Variants in ANXA4 observed in about 807,000 individuals in gnomAD.
ANXA4 encodes the protein 35-beta calcimedin.
In ANXA4, 39 loss-of-function variants were observed where a neutral mutation model predicts 49.8. That is an observed-to-expected ratio of 0.78 (90% CI 0.61 to 1.02). The LOEUF (loss-of-function observed/expected upper bound fraction) is 1.02, where lower values mean the gene tolerates loss of function less well. ANXA4 is among the 50% of genes least tolerant of loss of function. The probability of loss-of-function intolerance (pLI) is 0.00; values close to 1 mark genes in which losing one functional copy is unlikely to be tolerated. For synonymous variants in ANXA4, 134 were observed against 152.5 expected (o/e 0.88, Z 0.89); for missense variants, 360 against 410.1 (o/e 0.88, Z 1.05).
At chr2:69,716,171 G>A (rs1316232189) in intron 2 of ANXA4, among the ~76,000 whole-genome samples, 2 of 152,162 alleles carry the variant, frequency 1.3e-5, no homozygotes, top group Admixed American at 1.3e-4. Flanking sequence ...ATGAGTAAGA[G>A]AGAGAGAGAG....
rs150899902 is a variant in ANXA4, at chr2:69,732,588, G to A, written n.864+11717G>A. Among the ~76,000 whole-genome samples, 447 of 151,728 alleles carry A rather than the reference G, an allele frequency of 2.9e-3. 1 individual carries two copies. The highest frequency in any genetic ancestry group is 0.01 in the African/African-American group (416 of 41,396). On this transcript the variant is annotated intron_variant and non_coding_transcript_variant, in intron 3 of 3. Transcript: ENST00000418066. ...AGCCTGACCAACATGGAGAAGCCCC[G>A]TCTCTACTAAAAATAAAAAATTAGT...
intron 2 of ANXA4, among the ~76,000 whole-genome samples, chr2:69,702,557 A>G (rs1573120932): frequency 8.9e-6 from 1 of 112,516 alleles, no homozygotes; most frequent in African/African-American, 2.6e-5. Flanking sequence ...CCTCATCTCT[A>G]AAAAAAATTA....
chr2:69,770,634 T>C (rs1301942971), intron 1 of ANXA4, among the ~76,000 whole-genome samples: 1 of 151,974 alleles, frequency 6.6e-6, no homozygotes, highest in African/African-American at 2.4e-5. Context: ...TTCACCACAA[T>C]GCAACATCCA....
intron 2 of ANXA4, among the ~76,000 whole-genome samples, chr2:69,710,640 G>A: frequency 6.6e-6 from 1 of 151,418 alleles, no homozygotes; most frequent in African/African-American, 2.4e-5. Context: ...TTTTTCAATG[G>A]GTAAAAAAAA....
intron 1 of ANXA4, among the ~76,000 whole-genome samples, chr2:69,747,189 C>T (rs897624100): frequency 2.0e-5 from 3 of 152,128 alleles, no homozygotes; most frequent in African/African-American, 7.2e-5. Context: ...GAATTCATTC[C>T]TCTGGGTTTA....
At chr2:69,709,963 G>T (rs1173061156) in intron 2 of ANXA4, among the ~76,000 whole-genome samples, 4 of 150,314 alleles carry the variant, frequency 2.7e-5, no homozygotes, top group Non-Finnish European at 4.4e-5. Context: ...ACTTATTATG[G>T]CAGCATGCAC....
At chr2:69,694,043 C>T (rs185636352) in intron 2 of ANXA4, among the ~76,000 whole-genome samples, 110 of 152,210 alleles carry the variant, frequency 7.2e-4, no homozygotes, top group African/African-American at 2.5e-3. Context: ...CCTATTCCAA[C>T]GTATCTGATT....
intron 2 of ANXA4, chr2:69,720,767 C>T (rs1669793864): frequency 6.6e-6 from 1 of 151,742 alleles, no homozygotes; most frequent in African/African-American, 2.4e-5. Context: ...CTTTTTTTTT[C>T]TTCCAGGTCC....
intron 1 of ANXA4, among the ~76,000 whole-genome samples, chr2:69,650,870 T>G (rs1372970462): frequency 6.6e-6 from 1 of 152,258 alleles, no homozygotes; most frequent in Non-Finnish European, 1.5e-5. Context: ...GGAATGGTGT[T>G]TTTTGTTGTC....
intron 1 of ANXA4, among the ~76,000 whole-genome samples, chr2:69,755,045 A>G (rs1670988129): frequency 1.3e-5 from 2 of 152,244 alleles, no homozygotes; most frequent in Admixed American, 1.3e-4. Flanking sequence ...ATGGTACAGC[A>G]TGGACAAACC....
chr2:69,676,884 G>T (rs1174990249), intron 2 of ANXA4, among the ~76,000 whole-genome samples: 1 of 151,050 alleles, frequency 6.6e-6, no homozygotes, highest in Non-Finnish European at 1.5e-5. Context: ...CAGAGCGGGG[G>T]AAAAAAACAA....
intron 2 of ANXA4, among the ~76,000 whole-genome samples, chr2:69,714,816 C>T (rs1197341759): frequency 2.6e-5 from 4 of 152,208 alleles, no homozygotes; most frequent in Non-Finnish European, 5.9e-5. Context: ...CCCTTGGCTT[C>T]CCCGGGGCTT....
chr2:69,647,805 C>A (rs1301731201), intron 1 of ANXA4, among the ~76,000 whole-genome samples: 1 of 152,190 alleles, frequency 6.6e-6, no homozygotes, highest in Non-Finnish European at 1.5e-5. Context: ...GATCCTCCCA[C>A]CTCAGCCTCC....
At chr2:69,751,801 C>T (rs1179228235) in intron 1 of ANXA4, among the ~76,000 whole-genome samples, 2 of 152,068 alleles carry the variant, frequency 1.3e-5, no homozygotes, top group African/African-American at 4.8e-5. Context: ...GGAGGCAGCT[C>T]AGAACCTTGG....
chr2:69,785,676 T>C (rs1672384935), intron 2 of ANXA4, among the ~76,000 whole-genome samples: 1 of 152,118 alleles, frequency 6.6e-6, no homozygotes, highest in Non-Finnish European at 1.5e-5. Flanking sequence ...ATTCGCAACA[T>C]ACAAGTGAGA....
intron 12 of ANXA4, 67 bp downstream of exon 12, chr2:69,820,888 A>G: frequency 6.5e-7 from 1 of 1,527,548 alleles, no homozygotes; most frequent in East Asian, 2.3e-5. Context: ...CTTGGCATTT[A>G]GCACTTGTTG....
At chr2:69,663,616 C>G (rs1196041727) in intron 2 of ANXA4, among the ~76,000 whole-genome samples, 1 of 151,946 alleles carries the variant, frequency 6.6e-6, no homozygotes, top group Non-Finnish European at 1.5e-5. Flanking sequence ...ATTATCATGC[C>G]TGTGAACAGC....
chr2:69,678,089 C>T (rs184156231), intron 2 of ANXA4, among the ~76,000 whole-genome samples: 61 of 152,264 alleles, frequency 4.0e-4, no homozygotes, highest in African/African-American at 1.4e-3. Flanking sequence ...CTCACCTTGT[C>T]GTGATATTTG....
At chr2:69,701,192 G>T (rs1202702612) in intron 2 of ANXA4, among the ~76,000 whole-genome samples, 1 of 151,570 alleles carries the variant, frequency 6.6e-6, no homozygotes, top group African/African-American at 2.4e-5. Flanking sequence ...TTTTTTAACT[G>T]TGGCAAAAGA....
Sources: gnomAD v4.1 joint callset for allele counts (sites outside exome capture counted in the v4.1 genomes callset) on GRCh38, gnomAD v4.1.1 for gene constraint, MANE v1.5 for transcripts, NCBI Gene and HGNC (gene_info 2026-07-23, HGNC 2026-07-21) for gene names.